Variants in CTDSP1 observed in about 807,000 individuals in gnomAD.
The protein encoded by CTDSP1 is CTD small phosphatase 1.
In CTDSP1, 15 loss-of-function variants were observed where a neutral mutation model predicts 32.5. The observed-to-expected ratio is 0.46, with a 90% confidence interval of 0.31 to 0.71. The LOEUF is 0.71. CTDSP1 is among the 30% of genes least tolerant of loss of function. The probability of loss-of-function intolerance (pLI) is 0.05; values close to 1 mark genes in which losing one functional copy is unlikely to be tolerated. For missense variants in CTDSP1, 294 were observed against 351.1 expected (o/e 0.84, Z 1.30); for synonymous variants, 185 against 145.4 (o/e 1.27, Z -1.96).
upstream of CTDSP1, among the ~76,000 whole-genome samples, chr2:218,397,789 T>G (rs959741951): frequency 6.6e-6 from 1 of 152,044 alleles, no homozygotes; most frequent in Admixed American, 6.5e-5. Flanking sequence ...TCTCGCTCAC[T>G]CCGTAACTAA....
chr2:218,398,506 G>GC (rs1219600712), upstream of CTDSP1: 1 of 1,406,790 alleles, frequency 7.1e-7, no homozygotes, highest in Non-Finnish European at 9.4e-7. Flanking sequence ...GTCCCCTCCC[G>GC]CCCCTACTCC....
chr2:218,404,579 G>T lies in CTDSP1; in HGVS notation c.*154G>T. 1 of 926,342 alleles carries T rather than the reference G, an allele frequency of 1.1e-6. No individual in the cohort carries two copies. The highest frequency in any genetic ancestry group is 1.7e-5 in the South Asian group (1 of 59,848). The allele number at this position is 926,342 out of a possible 1,614,324, so 57.4% of individuals were successfully genotyped here. ...GTCTCCCCCACCAGCCCCACCAGGC[G>T]GTGTAGGGGCAGCAGGCTGCACTGA... On this transcript the variant is annotated 3_prime_UTR_variant, in exon 7 of 7. Coordinates refer to ENST00000273062, the MANE Select transcript of CTDSP1 (RefSeq NM_021198.3).
chr2:218,400,226 C>A, intron 1 of CTDSP1, 69 bp downstream of exon 1: 1 of 1,409,900 alleles, frequency 7.1e-7, no homozygotes, highest in Non-Finnish European at 9.5e-7. Flanking sequence ...CGGGATCTTC[C>A]CCAGGGGAGC....
intron 4 of CTDSP1, 200 bp downstream of exon 4, chr2:218,402,605 C>T (rs1265800740): frequency 1.3e-6 from 1 of 755,282 alleles, no homozygotes; most frequent in Non-Finnish European, 2.4e-6. Context: ...TGGGCTCCTC[C>T]TCTAGGCTCC....
intron 1 of CTDSP1, chr2:218,400,656 C>T (rs1206737592): frequency 2.3e-6 from 1 of 442,418 alleles, no homozygotes. Context: ...GCTACGTTCC[C>T]CACAAACTTC....
chr2:218,399,643 G>A (rs1456991623), upstream of CTDSP1: 28 of 811,176 alleles, frequency 3.5e-5, no homozygotes, highest in Non-Finnish European at 4.0e-5. Flanking sequence ...GGTGAGCCGG[G>A]TGCCGGGCCT....
chr2:218,403,277 C>A lies in CTDSP1; in HGVS notation c.517C>A (p.Arg173=). ...CCTGCTGGACAAATGGGGGGCCTTC[C>A]GGGCCCGGCTGTTTCGAGAGTCCTG... The part of the protein sequence containing the change: ...ADLLDKWGAF[R]ARLFRESCVF... Residue 173 remains arginine, a synonymous_variant, in exon 6 of 7, where the codon CGG becomes AGG. Coordinates refer to ENST00000273062, the MANE Select transcript of CTDSP1 (RefSeq NM_021198.3). The A allele has an allele frequency of 1.2e-6, 2 of 1,613,836 alleles. No individual in the cohort carries two copies. The highest frequency in any genetic ancestry group is 1.7e-6 in the Non-Finnish European group (2 of 1,179,848).
rs1363467257 is a variant in CTDSP1, at chr2:218,400,134, C to T, written c.44C>T (p.Ala15Val). 3.2e-6 allele frequency: 5 copies of T among 1,545,518 alleles called. No individual in the cohort carries two copies. The highest frequency in any genetic ancestry group is 4.4e-6 in the Non-Finnish European group (5 of 1,145,326). ...AVITQISKEEARGPLRGKGDQ... is the reference protein window; with the variant it reads ...AVITQISKEEVRGPLRGKGDQ... Reference sequence around the variant, plus strand: ...ATTACTCAGATCAGCAAGGAGGAGGCTCGGGGCCCGCTGCGGGGCAAAGGT... The same window carrying T: ...ATTACTCAGATCAGCAAGGAGGAGGTTCGGGGCCCGCTGCGGGGCAAAGGT... Residue 15 changes from alanine to valine, a missense_variant, in exon 1 of 7, where the codon GCT (alanine) becomes GTT (valine). By Grantham distance (64) the Ala-to-Val change is moderately conservative. Transcript: ENST00000273062.
upstream of CTDSP1, chr2:218,396,597 T>TGTCCC (rs1392265558): frequency 6.6e-6 from 1 of 152,428 alleles, no homozygotes; most frequent in Admixed American, 6.5e-5. Context: ...AGAGAAGAGA[T>TGTCCC]GGGACCGGTC....
At chr2:218,399,632 C>T (rs1285232646), upstream of CTDSP1, 3 of 746,908 alleles carry the variant, frequency 4.0e-6, no homozygotes, top group African/African-American at 1.9e-5. Context: ...CGGCCTGGAA[C>T]GGTGAGCCGG....
chr2:218,403,877 T>C, intron 6 of CTDSP1: 1 of 188,282 alleles, frequency 5.3e-6, no homozygotes, highest in Non-Finnish European at 1.1e-5. Context: ...CTCGGCAACA[T>C]AGTGAAACCT....
chr2:218,401,575 T>C lies in CTDSP1; in HGVS notation c.79T>C (p.Ser27Pro). 1 of 1,613,886 alleles carries C rather than the reference T, an allele frequency of 6.2e-7. No homozygotes were observed. Among genetic ancestry groups the C allele is most frequent in the Non-Finnish European group, 8.5e-7 (1 of 1,179,916 alleles). Residue 27 changes from serine (S) to proline (P), a missense_variant, in exon 2 of 7, where the codon TCA becomes CCA. Coordinates refer to ENST00000273062, the MANE Select transcript of CTDSP1 (RefSeq NM_021198.3). ...CCTCCCTACTTCAGGTGACCAGAAG[T>C]CAGCAGCTTCCCAGAAGCCCCGAAG... ...GPLRGKGDQK[S>P]AASQKPRSRG...
chr2:218,398,165 A>G (rs1169470379), upstream of CTDSP1: 5 of 531,888 alleles, frequency 9.4e-6, no homozygotes, highest in Admixed American at 3.4e-5. Context: ...CCGGAGATAA[A>G]GCCGAGGCCC....
chr2:218,398,723 G>A (rs1696948109), upstream of CTDSP1: 2 of 314,876 alleles, frequency 6.4e-6, no homozygotes, highest in Non-Finnish European at 1.2e-5. Flanking sequence ...GGGAGGGGAG[G>A]AAGTGCCGAG....
intron 2 of CTDSP1, 112 bp downstream of exon 2, chr2:218,401,824 G>A (rs1014395417): frequency 9.1e-7 from 1 of 1,104,778 alleles, no homozygotes; most frequent in Non-Finnish European, 1.3e-6. Context: ...CCTGAAAGGT[G>A]CAGAGTAGGA....
At chr2:218,401,480 C>T (rs982413753) in intron 1 of CTDSP1, 84 bp from the exon 2 acceptor site, 2 of 1,501,554 alleles carry the variant, frequency 1.3e-6, no homozygotes, top group Non-Finnish European at 1.8e-6. Flanking sequence ...ATCCTCCTGG[C>T]TCAGGGGTTC....
Position 218,402,232 on chromosome 2 carries a change from A to T in CTDSP1, c.321+17A>T. On this transcript the variant is annotated intron_variant, in intron 3 of 6. Transcript: ENST00000273062. ...TCCTTCAAGGTGGGCCCTGCTCAAC[A>T]GCCCTCAGCCCGGGTCTCGGGGGGC... The T allele has an allele frequency of 6.2e-7, 1 of 1,612,282 alleles. No individual in the cohort carries two copies. The highest frequency in any genetic ancestry group is 1.1e-5 in the South Asian group (1 of 91,032).
chr2:218,401,486 G>A (rs1189449074), intron 1 of CTDSP1, 78 bp from the exon 2 acceptor site: 3 of 1,520,804 alleles, frequency 2.0e-6, no homozygotes, highest in South Asian at 1.2e-5. Flanking sequence ...CTGGCTCAGG[G>A]GTTCACACCT....
chr2:218,398,330 G>C (rs1038941967), upstream of CTDSP1: 25 of 1,271,078 alleles, frequency 2.0e-5, no homozygotes, highest in Admixed American at 4.0e-4. Context: ...GCCGTTCTAA[G>C]GGGTAAATGA....
Sources: allele counts gnomAD v4.1 joint callset (sites outside exome capture counted in the v4.1 genomes callset), GRCh38; gene constraint gnomAD v4.1.1; transcripts MANE v1.5; gene names NCBI Gene and HGNC (gene_info 2026-07-23, HGNC 2026-07-21).